The following LMBRD1 variants were observed in gnomAD, a reference collection of about 807,000 sequenced individuals.
LMBRD1 encodes lysosomal cobalamin transport escort protein LMBD1.
A neutral mutation model predicts 74.8 loss-of-function variants in LMBRD1; 64 were observed. That is an observed-to-expected ratio of 0.86 (90% CI 0.70 to 1.05). The LOEUF (loss-of-function observed/expected upper bound fraction) is 1.05, where lower values mean the gene tolerates loss of function less well. Ranked by LOEUF, LMBRD1 falls within the 50% of genes least tolerant of loss-of-function variation. The pLI is 0.00. For missense variants in LMBRD1, 652 were observed against 645.9 expected (o/e 1.01, Z -0.10); for synonymous variants, 204 against 216.3 (o/e 0.94, Z 0.50).
At chr6:69,725,035 A>T (rs1473055443) in intron 7 of LMBRD1, among the ~76,000 whole-genome samples, 3 of 152,188 alleles carry the variant, frequency 2.0e-5, no homozygotes, top group Non-Finnish European at 4.4e-5. Context: ...CAAAATCAAC[A>T]TACAAAAAAT....
chr6:69,704,336 A>G (rs1766201350), intron 9 of LMBRD1, among the ~76,000 whole-genome samples: 1 of 151,842 alleles, frequency 6.6e-6, no homozygotes, highest in Non-Finnish European at 1.5e-5. Context: ...AATTGCTTCT[A>G]TATTTATTTG....
intron 2 of LMBRD1, among the ~76,000 whole-genome samples, chr6:69,789,037 T>C (rs545692315): frequency 1.3e-5 from 2 of 152,348 alleles, no homozygotes; most frequent in African/African-American, 4.8e-5. Context: ...GTCTGACACA[T>C]AGCAAATATT....
At chr6:69,783,651 C>T (rs1197812671) in intron 2 of LMBRD1, among the ~76,000 whole-genome samples, 3 of 152,086 alleles carry the variant, frequency 2.0e-5, no homozygotes, top group African/African-American at 7.2e-5. Context: ...CAGGTGTGAG[C>T]CACCATACCT....
intron 2 of LMBRD1, among the ~76,000 whole-genome samples, chr6:69,781,305 T>C (rs1765831693): frequency 6.6e-6 from 1 of 152,198 alleles, no homozygotes. Context: ...TCAAGCCTTT[T>C]TGGCCTATAC....
intron 1 of LMBRD1, among the ~76,000 whole-genome samples, chr6:69,792,581 G>A (rs1331419431): frequency 6.6e-6 from 1 of 152,146 alleles, no homozygotes; most frequent in African/African-American, 2.4e-5. Flanking sequence ...AAACAAAAAG[G>A]ATCTAGGCTC....
At chr6:69,755,563 C>T (rs996105962) in intron 3 of LMBRD1, among the ~76,000 whole-genome samples, 2 of 136,840 alleles carry the variant, frequency 1.5e-5, no homozygotes, top group African/African-American at 2.7e-5. Flanking sequence ...CAAACCTGTA[C>T]ATTCTGCACA....
intron 9 of LMBRD1, among the ~76,000 whole-genome samples, chr6:69,707,615 A>C (rs1322438150): frequency 2.6e-5 from 4 of 152,118 alleles, no homozygotes; most frequent in Admixed American, 2.6e-4. Flanking sequence ...TAAATAGCAT[A>C]CATTGGATCT....
Position 69,790,280 on chromosome 6 carries a change from G to A in LMBRD1, c.246+16C>T, listed in dbSNP as rs780360361. The A allele has an allele frequency of 1.3e-6, 2 of 1,571,888 alleles. No homozygotes were observed. The highest frequency in any genetic ancestry group is 4.5e-5 in the East Asian group (2 of 44,470). ...TTTGAAAGGAAAAAAAATCTGCAAA[G>A]TAAGATTATATTTACCTTAAATGTA... On this transcript the variant is annotated intron_variant, in intron 2 of 15. Transcript: ENST00000649934.
At chr6:69,679,343 G>A (rs1344852832) in intron 14 of LMBRD1, among the ~76,000 whole-genome samples, 1 of 152,056 alleles carries the variant, frequency 6.6e-6, no homozygotes, top group Non-Finnish European at 1.5e-5. Context: ...TCACAGCAGA[G>A]ACTCCTGGAT....
chr6:69,790,895 C>A (rs1195457635), intron 1 of LMBRD1, among the ~76,000 whole-genome samples: 2 of 152,210 alleles, frequency 1.3e-5, no homozygotes, highest in Non-Finnish European at 2.9e-5. Flanking sequence ...AAATTAACTT[C>A]TGTCCTGTTC....
intron 2 of LMBRD1, among the ~76,000 whole-genome samples, chr6:69,781,962 A>C (rs1765841902): frequency 6.6e-6 from 1 of 152,212 alleles, no homozygotes; most frequent in African/African-American, 2.4e-5. Context: ...ACCAACAAGA[A>C]GGAATTTCCC....
At position 69,790,488 on chromosome 6, in the gene LMBRD1, A is replaced by G; in HGVS notation, c.70-16T>C. On this transcript the variant is annotated splice_polypyrimidine_tract_variant and intron_variant, in intron 1 of 15. Coordinates refer to ENST00000649934, the MANE Select transcript of LMBRD1 (RefSeq NM_018368.4). ...CCAAAATAGCCTGAAATAGAACAAA[A>G]AGAGATGTTTGTTACTACCCAGTGT... is the stretch of plus-strand genomic sequence containing the variant. The G allele has an allele frequency of 6.2e-7, 1 of 1,611,168 alleles. No homozygotes were observed. The highest frequency in any genetic ancestry group is 8.5e-7 in the Non-Finnish European group (1 of 1,177,548).
chr6:69,682,323 T>C (rs907677216), intron 14 of LMBRD1, among the ~76,000 whole-genome samples: 29 of 151,934 alleles, frequency 1.9e-4, no homozygotes, highest in Admixed American at 1.5e-3. Flanking sequence ...ACTTTAAGAA[T>C]ACACAAACTG....
chr6:69,712,551 T>G (rs7771508), intron 9 of LMBRD1, among the ~76,000 whole-genome samples: 72,518 of 151,624 alleles, frequency 0.48, 17,932 homozygotes, highest in African/African-American at 0.6. Flanking sequence ...ATTCAGCCTT[T>G]TAAAAAATAA....
chr6:69,745,823 C>CGT (rs1284818364), intron 5 of LMBRD1: 2 of 153,116 alleles, frequency 1.3e-5, no homozygotes, highest in Non-Finnish European at 2.9e-5. Flanking sequence ...CCCCATTCTA[C>CGT]AGAAAGCCTC....
chr6:69,796,407 C>G (rs1323267380), intron 1 of LMBRD1, among the ~76,000 whole-genome samples: 1 of 152,072 alleles, frequency 6.6e-6, no homozygotes, highest in Admixed American at 6.5e-5. Flanking sequence ...ACAACGCCAG[C>G]GCCTACTTAA....
At chr6:69,698,976 A>G in intron 13 of LMBRD1, 67 bp downstream of exon 13, 4 of 1,112,828 alleles carry the variant, frequency 3.6e-6, no homozygotes, top group East Asian at 2.6e-5. Context: ...ATCACAATTA[A>G]AATTTCATTT....
chr6:69,744,366 G>C (rs1042012969), intron 5 of LMBRD1, among the ~76,000 whole-genome samples: 3 of 152,272 alleles, frequency 2.0e-5, no homozygotes, highest in Non-Finnish European at 4.4e-5. Flanking sequence ...ATCAAGGTCT[G>C]ATTTTTCACC....
At chr6:69,774,107 C>T in intron 3 of LMBRD1, among the ~76,000 whole-genome samples, 1 of 152,050 alleles carries the variant, frequency 6.6e-6, no homozygotes, top group Middle Eastern at 3.2e-3. Context: ...TGGGAGGGAC[C>T]CAGTGGAAAG....
Sources: allele counts gnomAD v4.1 joint callset (sites outside exome capture counted in the v4.1 genomes callset), GRCh38; gene constraint gnomAD v4.1.1; transcripts MANE v1.5; gene names NCBI Gene and HGNC (gene_info 2026-07-23, HGNC 2026-07-21).